Variants in IFT43 observed in about 807,000 individuals in gnomAD.
IFT43 encodes the protein intraflagellar transport 43.
A neutral mutation model predicts 32.3 loss-of-function variants in IFT43; 33 were observed. That is an observed-to-expected ratio of 1.02 (90% CI 0.77 to 1.37). The LOEUF is 1.37. Among genes scored for constraint, IFT43 ranks in the 40% most tolerant of loss-of-function variants. IFT43 has a pLI of 0.00. For missense variants in IFT43, 274 were observed against 265.9 expected (o/e 1.03, Z -0.21); for synonymous variants, 93 against 98.2 (o/e 0.95, Z 0.31).
At chr14:76,072,768 T>G (rs1164674943) in intron 5 of IFT43, among the ~76,000 whole-genome samples, 1 of 152,138 alleles carries the variant, frequency 6.6e-6, no homozygotes, top group Admixed American at 6.5e-5. Flanking sequence ...CCAGAATCAT[T>G]ATAGAGATCA....
chr14:76,040,808 C>A lies in IFT43; in HGVS notation c.216-17834C>A, dbSNP rs535342031. On this transcript the variant is annotated intron_variant, in intron 3 of 8. Transcript: ENST00000314067. Reference sequence around the variant, plus strand: ...TCCTGACAAGTGACCCCAGTCAGTTCTCTCCCTGGAGCAGAGGGGAGCACC... The same window carrying A: ...TCCTGACAAGTGACCCCAGTCAGTTATCTCCCTGGAGCAGAGGGGAGCACC... Among the ~76,000 whole-genome samples the A allele has an allele frequency of 1.8e-4, 28 of 152,356 alleles. No homozygotes were observed. In the South Asian group the frequency reaches 5.8e-3, roughly 32 times the overall value.
chr14:76,072,197 A>T (rs1164975603), intron 5 of IFT43, among the ~76,000 whole-genome samples: 1 of 152,308 alleles, frequency 6.6e-6, no homozygotes, highest in Middle Eastern at 3.4e-3. Context: ...GTACTTTTAC[A>T]TGATGAGTTC....
chr14:76,036,087 C>T (rs1198547469), intron 3 of IFT43, among the ~76,000 whole-genome samples: 1 of 152,148 alleles, frequency 6.6e-6, no homozygotes, highest in Non-Finnish European at 1.5e-5. Context: ...AATTGATTCC[C>T]TTCCTCATAC....
intron 3 of IFT43, among the ~76,000 whole-genome samples, chr14:76,050,786 T>C (rs2036899113): frequency 6.6e-6 from 1 of 152,210 alleles, no homozygotes; most frequent in Admixed American, 6.5e-5. Context: ...GATCCAGTAA[T>C]GGTTTCCTGA....
At chr14:76,080,485 C>G (rs1272014138) in intron 5 of IFT43, among the ~76,000 whole-genome samples, 1 of 152,200 alleles carries the variant, frequency 6.6e-6, no homozygotes, top group African/African-American at 2.4e-5. Flanking sequence ...GACCCAAATG[C>G]TAAAGTTGTG....
At chr14:76,021,502 G>T (rs977297963) in intron 2 of IFT43, among the ~76,000 whole-genome samples, 6 of 152,046 alleles carry the variant, frequency 3.9e-5, no homozygotes, top group Non-Finnish European at 8.8e-5. Flanking sequence ...TGCATCAAAA[G>T]CATATACTTA....
intron 2 of IFT43, among the ~76,000 whole-genome samples, chr14:75,996,081 G>T (rs745376978): frequency 6.6e-6 from 1 of 152,186 alleles, no homozygotes; most frequent in Non-Finnish European, 1.5e-5. Flanking sequence ...ATGCTTTCTT[G>T]CTGGCTTCTG....
intron 2 of IFT43, among the ~76,000 whole-genome samples, chr14:76,007,071 C>G (rs1421283750): frequency 1.3e-5 from 2 of 152,062 alleles, no homozygotes; most frequent in East Asian, 3.9e-4. Context: ...GTTGCCCAGG[C>G]TGGTCTTGAA....
At chr14:75,991,423 G>GTGTGTA (rs1248984461) in intron 2 of IFT43, among the ~76,000 whole-genome samples, 2 of 139,884 alleles carry the variant, frequency 1.4e-5, no homozygotes, top group Admixed American at 7.2e-5. Flanking sequence ...GTGTGTGTGT[G>GTGTGTA]TGTATGTATG....
intron 3 of IFT43, among the ~76,000 whole-genome samples, chr14:76,027,337 C>CCA (rs1208647121): frequency 2.2e-5 from 1 of 45,752 alleles, no homozygotes; most frequent in East Asian, 3.8e-4. Context: ...CCCAACACCC[C>CCA]CCACACACAC....
At chr14:76,069,544 C>T (rs988350487) in intron 5 of IFT43, among the ~76,000 whole-genome samples, 39 of 152,090 alleles carry the variant, frequency 2.6e-4, no homozygotes, top group African/African-American at 9.2e-4. Flanking sequence ...TGAAGATGGG[C>T]ATTGAGAGGC....
chr14:76,000,052 G>A (rs781152790), intron 2 of IFT43, among the ~76,000 whole-genome samples: 29 of 152,132 alleles, frequency 1.9e-4, no homozygotes, highest in Non-Finnish European at 1.8e-4. Context: ...AACCAAGGCA[G>A]CATTCCCAAA....
chr14:76,048,031 T>TA (rs1444409031), intron 3 of IFT43, among the ~76,000 whole-genome samples: 1 of 152,062 alleles, frequency 6.6e-6, no homozygotes, highest in Admixed American at 6.5e-5. Context: ...TATAGAATCT[T>TA]AGAGTTAGAA....
intron 3 of IFT43, among the ~76,000 whole-genome samples, chr14:76,039,172 G>A (rs900707601): frequency 1.3e-5 from 2 of 149,070 alleles, no homozygotes; most frequent in African/African-American, 5.0e-5. Context: ...TCATTCTGTT[G>A]CCCAGGTTGG....
chr14:76,008,950 C>T (rs768967671), intron 2 of IFT43, among the ~76,000 whole-genome samples: 2 of 152,186 alleles, frequency 1.3e-5, no homozygotes, highest in Non-Finnish European at 2.9e-5. Flanking sequence ...TTTTCTGGAC[C>T]TCCTGTCTTA....
chr14:76,083,589 A>G lies in IFT43; in HGVS notation c.*12A>G, dbSNP rs750240149. The G allele has an allele frequency of 1.2e-5, 19 of 1,613,646 alleles. No individual in the cohort carries two copies. Among genetic ancestry groups the G allele is most frequent in the South Asian group, 2.2e-5 (2 of 91,084 alleles). On this transcript the variant is annotated 3_prime_UTR_variant, in exon 9 of 9. Transcript: ENST00000314067. ...CCAGGCACACCTGAGCCCGTCACCC[A>G]TGCTCTAGACATGAAGAAATGCAAT...
intron 3 of IFT43, among the ~76,000 whole-genome samples, chr14:76,034,921 C>T (rs1169793394): frequency 1.3e-5 from 2 of 152,152 alleles, no homozygotes; most frequent in Admixed American, 6.5e-5. Flanking sequence ...TCACTGACTT[C>T]GCCATGGGGA....
intron 2 of IFT43, among the ~76,000 whole-genome samples, chr14:75,997,145 T>C (rs2035762340): frequency 6.6e-6 from 1 of 152,028 alleles, no homozygotes; most frequent in Admixed American, 6.5e-5. Context: ...ATATTCCAGG[T>C]AGAGGGAAGA....
chr14:75,999,260 TATATATATATATG>T (rs2035824972), intron 2 of IFT43, among the ~76,000 whole-genome samples: 3 of 19,762 alleles, frequency 1.5e-4, no homozygotes, highest in South Asian at 1.8e-3. Context: ...TATATATATA[TATATATATATATG>T]TATATATATT....
Sources: gnomAD v4.1 joint callset for allele counts (sites outside exome capture counted in the v4.1 genomes callset) on GRCh38, gnomAD v4.1.1 for gene constraint, MANE v1.5 for transcripts, NCBI Gene and HGNC (gene_info 2026-07-23, HGNC 2026-07-21) for gene names.